The following CD80 variants were observed in gnomAD, a reference collection of about 807,000 sequenced individuals.
CD80 encodes the protein T-lymphocyte activation antigen CD80.
A neutral mutation model predicts 27.1 loss-of-function variants in CD80; 13 were observed. That is an observed-to-expected ratio of 0.48 (90% CI 0.31 to 0.76). The LOEUF (loss-of-function observed/expected upper bound fraction) is 0.76. CD80 is among the 30% of genes least tolerant of loss of function. The pLI, the probability that CD80 is intolerant of heterozygous loss-of-function variation, is 0.04. For missense variants in CD80, 277 were observed against 347.9 expected (o/e 0.80, Z 1.62); for synonymous variants, 125 against 125.5 (o/e 1.00, Z 0.03).
At chr3:119,549,090 C>G (rs1401909909) in intron 2 of CD80, among the ~76,000 whole-genome samples, 1 of 151,956 alleles carries the variant, frequency 6.6e-6, no homozygotes, top group Non-Finnish European at 1.5e-5. Flanking sequence ...CTTTCCAGGC[C>G]TGATTGATCC....
intron 3 of CD80, among the ~76,000 whole-genome samples, chr3:119,540,721 A>G (rs1374405750): frequency 6.6e-6 from 1 of 152,198 alleles, no homozygotes; most frequent in African/African-American, 2.4e-5. Flanking sequence ...GAAATAAACT[A>G]CAGGAATGCC....
At chr3:119,530,903 C>T (rs185710500) in intron 4 of CD80, among the ~76,000 whole-genome samples, 4 of 152,276 alleles carry the variant, frequency 2.6e-5, no homozygotes, top group East Asian at 1.9e-4. Flanking sequence ...CAAAAGGATA[C>T]GACACAGTGC....
chr3:119,535,449 C>T (rs2082132777), intron 4 of CD80, among the ~76,000 whole-genome samples: 1 of 152,034 alleles, frequency 6.6e-6, no homozygotes, highest in Non-Finnish European at 1.5e-5. Flanking sequence ...GGGAGAGAGA[C>T]CTGTGGTCCT....
chr3:119,558,136 C>T (rs1211966028), intron 1 of CD80, among the ~76,000 whole-genome samples: 2 of 152,134 alleles, frequency 1.3e-5, no homozygotes, highest in African/African-American at 2.4e-5. Context: ...AAAAGGCTTT[C>T]TACTTAATAG....
chr3:119,532,633 G>C (rs1195805742), intron 4 of CD80, among the ~76,000 whole-genome samples: 2 of 152,080 alleles, frequency 1.3e-5, no homozygotes, highest in South Asian at 2.1e-4. Context: ...TCCCATTTCA[G>C]TGAATAACAA....
intron 5 of CD80, among the ~76,000 whole-genome samples, chr3:119,529,464 C>T (rs1214136378): frequency 6.6e-6 from 1 of 152,168 alleles, no homozygotes; most frequent in African/African-American, 2.4e-5. Context: ...GCCAAATCGA[C>T]TAGCCCTTAA....
intron 4 of CD80, among the ~76,000 whole-genome samples, chr3:119,530,596 A>G (rs1019737526): frequency 6.6e-6 from 1 of 152,204 alleles, no homozygotes; most frequent in African/African-American, 2.4e-5. Flanking sequence ...CAAGAAGTAC[A>G]CAAGGAAATG....
Position 119,544,711 on chromosome 3 carries a change from T to C in CD80, c.257A>G (p.Glu86Gly). ...ATCAAAGATGGTCCGGTTCTTGTAC[T>C]CGGGCCATATATTCATGTCCCCAGA... ...MMSGDMNIWP[E>G]YKNRTIFDIT... is the part of the protein sequence containing the mutation. The change falls in exon 3 of 7, where the codon GAG (glutamate) becomes GGG (glycine). Residue 86 changes from glutamate (E) to glycine (G), a missense_variant. Glu to Gly is a moderately conservative substitution (Grantham distance 98). Coordinates refer to ENST00000264246, the MANE Select transcript of CD80 (RefSeq NM_005191.4). 1.2e-6 allele frequency: 2 copies of C among 1,614,216 alleles called. No individual in the cohort carries two copies. The highest frequency in any genetic ancestry group is 1.7e-6 in the Non-Finnish European group (2 of 1,180,040).
rs546312999 is a variant in CD80, at chr3:119,524,976, T to C, written c.*812A>G. 6.6e-6 allele frequency: 1 copy of C among 152,312 alleles called. No homozygotes were observed. Among genetic ancestry groups the C allele is most frequent in the Admixed American group, 6.5e-5 (1 of 15,296 alleles). The allele number at this position is 152,312 out of a possible 1,614,324, so 9.4% of individuals were successfully genotyped here. ...TCTCATAAATATTTTACAAATGAGGTCAAACTAGCATAAAGCCATTTAAAG... is the reference window on the plus strand; with the variant it reads ...TCTCATAAATATTTTACAAATGAGGCCAAACTAGCATAAAGCCATTTAAAG... On this transcript the variant is annotated 3_prime_UTR_variant, in exon 7 of 7. Coordinates refer to ENST00000264246, the MANE Select transcript of CD80 (RefSeq NM_005191.4).
Position 119,557,740 on chromosome 3 carries a change from C to CT in CD80, c.-13dup. 1 of 1,601,514 alleles carries CT rather than the reference C, an allele frequency of 6.2e-7. No homozygotes were observed. The highest frequency in any genetic ancestry group is 8.5e-7 in the Non-Finnish European group (1 of 1,171,882). ...CGTGTGTGGCCCATGGCTTCAGATGCTTAGGGTCAAAAGTGAAAGCCAACA... is the reference window on the plus strand; with the variant it reads ...CGTGTGTGGCCCATGGCTTCAGATGCTTTAGGGTCAAAAGTGAAAGCCAACA... On this transcript the variant is annotated 5_prime_UTR_variant, in exon 2 of 7. Coordinates refer to ENST00000264246, the MANE Select transcript of CD80 (RefSeq NM_005191.4).
Position 119,539,602 on chromosome 3 carries a change from T to C in CD80, c.419-2184A>G, listed in dbSNP as rs2082156753. Among the ~76,000 whole-genome samples the C allele has an allele frequency of 3.9e-5, 6 of 152,196 alleles. No individual in the cohort carries two copies. The South Asian group carries it at 1.2e-3, about 32-fold the overall frequency. On this transcript the variant is annotated intron_variant, in intron 3 of 6. Transcript: ENST00000264246. ...TGAGGCACTGTTTCATTTATATATT[T>C]GATCCCCATAAGATTCTGAAGTACA...
chr3:119,539,207 T>C (rs532028216), intron 3 of CD80, among the ~76,000 whole-genome samples: 81 of 152,358 alleles, frequency 5.3e-4, no homozygotes, highest in Non-Finnish European at 9.1e-4. Flanking sequence ...TTAATGTGCA[T>C]ATGGAAGCCT....
chr3:119,545,213 C>T (rs879846698), intron 2 of CD80, among the ~76,000 whole-genome samples: 6 of 151,988 alleles, frequency 3.9e-5, no homozygotes, highest in East Asian at 3.9e-4. Context: ...GGTGTGGTGG[C>T]GGGTGTAGTA....
intron 3 of CD80, among the ~76,000 whole-genome samples, chr3:119,538,424 A>G (rs987736141): frequency 1.3e-5 from 2 of 152,180 alleles, no homozygotes; most frequent in Non-Finnish European, 2.9e-5. Context: ...TTGAGACCAA[A>G]AACACTGACA....
Position 119,529,879 on chromosome 3 carries a change from T to C in CD80, c.759A>G (p.Ser253=). The change falls in exon 5 of 7, where the codon TCA becomes TCG. Residue 253 remains serine, a synonymous_variant. Coordinates refer to ENST00000264246, the MANE Select transcript of CD80 (RefSeq NM_005191.4). ...LLPSWAITLI[S]VNGIFVICCL... is the part of the protein sequence containing the mutation. ...AGCATATCACAAAAATTCCATTTAC[T>C]GAGATTAAGGTAATGGCCCAGGATG... The C allele has an allele frequency of 6.2e-7, 1 of 1,609,624 alleles. No individual in the cohort carries two copies.
intron 3 of CD80, among the ~76,000 whole-genome samples, chr3:119,542,858 A>G (rs141868705): frequency 1.4e-3 from 220 of 152,296 alleles, no homozygotes; most frequent in African/African-American, 5.2e-3. Context: ...AGGAGTCATA[A>G]AGCTGGATGC....
chr3:119,526,464 T>C (rs2082066616), intron 6 of CD80, among the ~76,000 whole-genome samples: 1 of 152,044 alleles, frequency 6.6e-6, no homozygotes, highest in South Asian at 2.1e-4. Context: ...AAGCATTCAG[T>C]GGAAATGAAA....
At chr3:119,550,576 C>T (rs1337135272) in intron 2 of CD80, among the ~76,000 whole-genome samples, 3 of 152,196 alleles carry the variant, frequency 2.0e-5, no homozygotes, top group Non-Finnish European at 4.4e-5. Context: ...CTCCATCACA[C>T]ACGGACAAAA....
chr3:119,534,311 G>T, intron 4 of CD80, among the ~76,000 whole-genome samples: 1 of 150,328 alleles, frequency 6.7e-6, no homozygotes, highest in East Asian at 1.9e-4. Context: ...GGCAGAGGTT[G>T]CAGTGAGCCG....
Sources: allele counts gnomAD v4.1 joint callset (sites outside exome capture counted in the v4.1 genomes callset), GRCh38; gene constraint gnomAD v4.1.1; transcripts MANE v1.5; gene names NCBI Gene and HGNC (gene_info 2026-07-23, HGNC 2026-07-21).